Variants in EFL1 observed in about 807,000 individuals in gnomAD.
The protein encoded by EFL1 is elongation factor-like GTPase 1.
A neutral mutation model predicts 126.7 loss-of-function variants in EFL1; 76 were observed. That is an observed-to-expected ratio of 0.60 (90% CI 0.50 to 0.73). The LOEUF (loss-of-function observed/expected upper bound fraction) is 0.73, where lower values mean the gene tolerates loss of function less well. Among genes scored for constraint, EFL1 ranks in the 30% least tolerant of loss-of-function variants. The pLI, the probability that EFL1 is intolerant of heterozygous loss-of-function variation, is 0.00. For synonymous variants in EFL1, 410 were observed against 448.4 expected (o/e 0.91, Z 1.08); for missense variants, 1,128 against 1,343.2 (o/e 0.84, Z 2.50).
At chr15:82,222,459 A>C (rs1212470009) in intron 12 of EFL1, among the ~76,000 whole-genome samples, 1 of 152,246 alleles carries the variant, frequency 6.6e-6, no homozygotes, top group Non-Finnish European at 1.5e-5. Context: ...GTGAAAAAAG[A>C]AGTGTATTTG....
chr15:82,262,548 G>A (rs533091105), intron 1 of EFL1, 66 bp downstream of exon 1: 2 of 231,252 alleles, frequency 8.6e-6, no homozygotes, highest in Non-Finnish European at 8.4e-6. Flanking sequence ...CAGCGAGCGG[G>A]TTCCTCCGGC....
At chr15:82,144,998 GA>G (rs754350606) in intron 18 of EFL1, among the ~76,000 whole-genome samples, 1,896 of 126,268 alleles carry the variant, frequency 0.015, 18 homozygotes, top group Non-Finnish European at 0.021. Flanking sequence ...ACTCAAAAAA[GA>G]AAAAAAAAAA....
intron 12 of EFL1, among the ~76,000 whole-genome samples, chr15:82,221,069 T>C (rs189843102): frequency 6.6e-6 from 1 of 152,198 alleles, no homozygotes; most frequent in Admixed American, 6.5e-5. Context: ...GGCTGATAGA[T>C]TAACAGCATC....
intron 4 of EFL1, among the ~76,000 whole-genome samples, chr15:82,252,268 T>C (rs1028758970): frequency 3.3e-5 from 5 of 152,224 alleles, no homozygotes; most frequent in Non-Finnish European, 4.4e-5. Flanking sequence ...GTCAGATAAA[T>C]TCCTAGAAGT....
At chr15:82,237,482 T>C (rs56398167) in intron 7 of EFL1, among the ~76,000 whole-genome samples, 60,933 of 151,946 alleles carry the variant, frequency 0.4, 12,686 homozygotes, top group South Asian at 0.48. Context: ...CCCAACAGAA[T>C]TGCTAAAATG....
chr15:82,243,812 G>C (rs549076327), intron 4 of EFL1, among the ~76,000 whole-genome samples: 17 of 151,942 alleles, frequency 1.1e-4, no homozygotes, highest in African/African-American at 3.9e-4. Flanking sequence ...CATTCAGGAA[G>C]GGCAGGTTCA....
intron 15 of EFL1, among the ~76,000 whole-genome samples, chr15:82,207,721 ATTT>A (rs200551064): frequency 3.5e-5 from 5 of 141,892 alleles, no homozygotes; most frequent in Admixed American, 7.0e-5. Flanking sequence ...TGATTGATTG[ATTT>A]TTTTTTTTTT....
rs1243008977 is a variant in EFL1 at position 82,197,273 on chromosome 15, G to T, written c.1750+17444C>A. Among the ~76,000 whole-genome samples, 7 of 152,086 alleles carry T rather than the reference G, an allele frequency of 4.6e-5. 1 individual carries two copies. Among genetic ancestry groups the T allele is most frequent in the Admixed American group, 2.6e-4 (4 of 15,268 alleles). ...TTCCTTTCCACCCCTATTCCCAGGG[G>T]ACAGAAAATTTACCTTTGATTTCCA... On this transcript the variant is annotated intron_variant, in intron 15 of 19. Transcript: ENST00000268206.
intron 12 of EFL1, 68 bp downstream of exon 12, chr15:82,225,097 A>C (rs1195113362): frequency 7.7e-7 from 1 of 1,296,776 alleles, no homozygotes; most frequent in African/African-American, 1.5e-5. Flanking sequence ...CCCTACCCAC[A>C]GCCCAACTGC....
chr15:82,256,752 T>C (rs1381139378), intron 3 of EFL1, among the ~76,000 whole-genome samples: 1 of 152,248 alleles, frequency 6.6e-6, no homozygotes, highest in Non-Finnish European at 1.5e-5. Flanking sequence ...CATGATTTTC[T>C]TCCTTTAATC....
intron 18 of EFL1, among the ~76,000 whole-genome samples, chr15:82,145,550 G>C (rs1328451371): frequency 6.6e-6 from 1 of 151,692 alleles, no homozygotes. Flanking sequence ...CTCTTAACGA[G>C]GCTGGGCACG....
intron 15 of EFL1, among the ~76,000 whole-genome samples, chr15:82,175,829 T>A (rs1228927401): frequency 6.6e-6 from 1 of 152,104 alleles, no homozygotes; most frequent in Non-Finnish European, 1.5e-5. Flanking sequence ...AAAAACTGAA[T>A]TTTGAAGATT....
chr15:82,181,471 G>A (rs941932188), intron 15 of EFL1, among the ~76,000 whole-genome samples: 18 of 152,194 alleles, frequency 1.2e-4, no homozygotes, highest in African/African-American at 4.3e-4. Flanking sequence ...GAAGTGGAAG[G>A]AGCTTGACAG....
intron 15 of EFL1, among the ~76,000 whole-genome samples, chr15:82,186,323 G>C (rs533390556): frequency 6.6e-6 from 1 of 152,110 alleles, no homozygotes; most frequent in African/African-American, 2.4e-5. Context: ...AAAGCAATAA[G>C]GGGGAAAGGC....
At position 82,138,430 on chromosome 15, in the gene EFL1, ATGTGTGTGTGTGTG is replaced by A. The variant is rs10675439; in HGVS notation, c.3174+214_3174+227del. On this transcript the variant is annotated intron_variant, in intron 19 of 19. Coordinates refer to ENST00000268206, the MANE Select transcript of EFL1 (RefSeq NM_024580.6). ...AATGAGAGAGAGAGAGAGAGAGTGT[ATGTGTGTGTGTGTG>A]TGTGTGTGTGTGTGTTTATTATAAA... Among the ~76,000 whole-genome samples the A allele has an allele frequency of 9.6e-5, 14 of 146,104 alleles. 1 individual carries two copies. The South Asian group carries it at 3.1e-3, about 32-fold the overall frequency.
At position 82,149,321 on chromosome 15, in the gene EFL1, G is replaced by T. The variant is rs578229133; in HGVS notation, c.2989+2144C>A. On this transcript the variant is annotated intron_variant, in intron 18 of 19. Transcript: ENST00000268206. ...AATATAGGAGTTCATACAACTACAT[G>T]ATTTCTACAGTCTAGTCAATTACCA... 5.9e-5 allele frequency among the ~76,000 whole-genome samples: 9 copies of T among 152,232 alleles called. No individual in the cohort carries two copies. The South Asian group carries it at 1.9e-3, about 32-fold the overall frequency.
At chr15:82,249,109 T>A (rs1194309929) in intron 4 of EFL1, among the ~76,000 whole-genome samples, 1 of 152,036 alleles carries the variant, frequency 6.6e-6, no homozygotes, top group Non-Finnish European at 1.5e-5. Context: ...TTTTTGTGTT[T>A]TACTGTATAT....
At chr15:82,201,648 A>C (rs2074469069) in intron 15 of EFL1, among the ~76,000 whole-genome samples, 2 of 150,564 alleles carry the variant, frequency 1.3e-5, no homozygotes, top group Admixed American at 6.6e-5. Flanking sequence ...TTTTGTCAGA[A>C]TATCATTTTA....
intron 15 of EFL1, among the ~76,000 whole-genome samples, chr15:82,183,511 A>G (rs925790560): frequency 1.3e-5 from 2 of 152,174 alleles, no homozygotes; most frequent in African/African-American, 4.8e-5. Flanking sequence ...TCTGCTGAAT[A>G]TGTCACACTA....
Sources: allele counts gnomAD v4.1 joint callset (sites outside exome capture counted in the v4.1 genomes callset), GRCh38; gene constraint gnomAD v4.1.1; transcripts MANE v1.5; gene names NCBI Gene and HGNC (gene_info 2026-07-23, HGNC 2026-07-21).